The following GBE1 variants were observed in gnomAD, a reference collection of about 807,000 sequenced individuals.
GBE1 encodes 1,4-alpha-glucan branching enzyme 1, also known as 1,4-alpha-glucan-branching enzyme.
Under a neutral mutation model 88.8 loss-of-function variants are expected in GBE1, and 70 were observed. The ratio of observed to expected loss-of-function variants is 0.79; its 90% CI spans 0.65 to 0.96. The LOEUF is 0.96. Among genes scored for constraint, GBE1 ranks in the 40% least tolerant of loss-of-function variants. The pLI, the probability that GBE1 is intolerant of heterozygous loss-of-function variation, is 0.00. For synonymous variants in GBE1, 284 were observed against 300.1 expected, an observed-to-expected ratio of 0.95 and a Z score of 0.56; for missense variants, 872 against 871.0, an observed-to-expected ratio of 1.00 and a Z score of -0.01.
chr3:81,552,239 T>C (rs1267180122), intron 12 of GBE1, among the ~76,000 whole-genome samples: 1 of 152,118 alleles, frequency 6.6e-6, no homozygotes, highest in Admixed American at 6.5e-5. Flanking sequence ...CAAAATAGGC[T>C]GGGCGTGGTG....
chr3:81,544,819 A>G (rs1001407658), intron 12 of GBE1, among the ~76,000 whole-genome samples: 2 of 152,174 alleles, frequency 1.3e-5, no homozygotes, highest in African/African-American at 4.8e-5. Flanking sequence ...CAGCTGGTAC[A>G]GTGATGAAAT....
chr3:81,620,418 G>A (rs984895216), intron 7 of GBE1, among the ~76,000 whole-genome samples: 3 of 151,812 alleles, frequency 2.0e-5, no homozygotes, highest in Admixed American at 6.6e-5. Flanking sequence ...TCCTGACCTC[G>A]TAATCCGCCC....
intron 1 of GBE1, among the ~76,000 whole-genome samples, chr3:81,752,000 T>C (rs1282211724): frequency 6.6e-6 from 1 of 152,218 alleles, no homozygotes; most frequent in Non-Finnish European, 1.5e-5. Context: ...AAGAAATACA[T>C]TTGTATATTT....
chr3:81,587,543 G>C (rs995968895), intron 9 of GBE1, among the ~76,000 whole-genome samples: 4 of 152,016 alleles, frequency 2.6e-5, no homozygotes, highest in Non-Finnish European at 4.4e-5. Context: ...AAATTCCTTA[G>C]CTTAAGATTC....
rs752100789 is a variant in GBE1 at position 81,581,236 on chromosome 3, C to A, written c.1375G>T (p.Asp459Tyr). Residue 459 changes from aspartate to tyrosine, a missense_variant, in exon 11 of 16, where the codon GAT (aspartate) becomes TAT (tyrosine). By Grantham distance (160) the Asp-to-Tyr change is radical. Transcript: ENST00000429644. ...EFKDEDWNMG[D>Y]IVYTLTNRRY... is the part of the protein sequence containing the mutation. ...CTGTTTGTGAGCGTGTATACTATAT[C>A]GCCCATGTTCCAGTCTTCATCTTTA... 33 of 1,600,900 alleles carry A rather than the reference C, an allele frequency of 2.1e-5. No homozygotes were observed. The highest frequency in any genetic ancestry group is 2.6e-5 in the Non-Finnish European group (31 of 1,174,894).
rs1706208726 is a variant in GBE1 at position 81,732,925 on chromosome 3, A to G, written c.144-27312T>C. ...CTTATCTTTCTTAATGTCCTTTCTT[A>G]CTGCTCTGTCCCTAGCTCATTCTGT... On this transcript the variant is annotated intron_variant, in intron 1 of 15. Coordinates refer to ENST00000429644, the MANE Select transcript of GBE1 (RefSeq NM_000158.4). Among the ~76,000 whole-genome samples the G allele has an allele frequency of 2.6e-5, 4 of 152,068 alleles. No homozygotes were observed. The South Asian group carries it at 8.3e-4, about 32-fold the overall frequency.
intron 14 of GBE1, among the ~76,000 whole-genome samples, chr3:81,504,466 G>T (rs1702629050): frequency 7.2e-6 from 1 of 139,760 alleles, no homozygotes; most frequent in Non-Finnish European, 1.6e-5. Context: ...TGTTCAACTG[G>T]AAAAAAATAC....
chr3:81,542,618 A>G (rs997932955), intron 12 of GBE1, among the ~76,000 whole-genome samples: 12 of 152,080 alleles, frequency 7.9e-5, no homozygotes, highest in African/African-American at 2.9e-4. Context: ...ACATCAATTT[A>G]AAATATTTGT....
chr3:81,527,005 C>T (rs1372270947), intron 14 of GBE1, among the ~76,000 whole-genome samples: 1 of 152,096 alleles, frequency 6.6e-6, no homozygotes, highest in Non-Finnish European at 1.5e-5. Flanking sequence ...CAGCATGGTA[C>T]TGGTACCAAA....
chr3:81,686,290 CAACA>C (rs1382395739), intron 2 of GBE1, among the ~76,000 whole-genome samples: 29 of 152,084 alleles, frequency 1.9e-4, no homozygotes, highest in African/African-American at 7.0e-4. Context: ...GCATCTACTA[CAACA>C]TCTACTACTG....
At chr3:81,586,360 T>C (rs1240514394) in intron 9 of GBE1, among the ~76,000 whole-genome samples, 170 bp from the exon 10 acceptor site, 1 of 152,216 alleles carries the variant, frequency 6.6e-6, no homozygotes. Flanking sequence ...CAGAAAGATT[T>C]TTGCTTAATG....
chr3:81,649,836 T>C lies in GBE1; in HGVS notation c.515A>G (p.Asn172Ser). Residue 172 changes from asparagine (N) to serine (S), a missense_variant, in exon 4 of 16, where the codon AAT (asparagine) becomes AGT (serine). Physicochemically the swap from Asn to Ser is conservative, Grantham distance 46 (BLOSUM62 1). Transcript: ENST00000429644. Reference protein sequence around the residue: ...KYVVREGDNVNYDWIHWDPEH... With the variant: ...KYVVREGDNVSYDWIHWDPEH... ...TGGATCCCAGTGTATCCAATCATAA[T>C]TCACATTATCACCTTCACGAACCAC... 2 of 1,611,976 alleles carry C rather than the reference T, an allele frequency of 1.2e-6. No individual in the cohort carries two copies. Among genetic ancestry groups the C allele is most frequent in the Non-Finnish European group, 1.7e-6 (2 of 1,178,492 alleles).
At chr3:81,581,379 A>G in intron 10 of GBE1, 104 bp from the exon 11 acceptor site, 1 of 667,028 alleles carries the variant, frequency 1.5e-6, no homozygotes, top group Non-Finnish European at 2.6e-6. Flanking sequence ...ACTATTTGAT[A>G]AGCACATATT....
chr3:81,539,765 A>T (rs1703120574), intron 12 of GBE1, among the ~76,000 whole-genome samples: 1 of 152,182 alleles, frequency 6.6e-6, no homozygotes, highest in South Asian at 2.1e-4. Flanking sequence ...TGTTAACTAC[A>T]CTAGAGGAAA....
intron 14 of GBE1, among the ~76,000 whole-genome samples, chr3:81,501,595 G>T (rs113004197): frequency 0.019 from 2,821 of 147,872 alleles, 93 homozygotes; most frequent in African/African-American, 0.065. Context: ...TTTCATTTTA[G>T]TCACCTGAAT....
At chr3:81,513,111 G>A (rs1702747648) in intron 14 of GBE1, among the ~76,000 whole-genome samples, 1 of 151,638 alleles carries the variant, frequency 6.6e-6, no homozygotes, top group African/African-American at 2.4e-5. Context: ...TCAAGGTGGG[G>A]AGAATCATTA....
At chr3:81,627,767 A>AT (rs1491193641) in intron 7 of GBE1, among the ~76,000 whole-genome samples, 11 of 66,854 alleles carry the variant, frequency 1.6e-4, no homozygotes, top group South Asian at 4.8e-4. Context: ...ATATATATAT[A>AT]AAAAACATAT....
chr3:81,613,284 G>A (rs1020363851), intron 7 of GBE1, among the ~76,000 whole-genome samples: 1 of 151,490 alleles, frequency 6.6e-6, no homozygotes, highest in Non-Finnish European at 1.5e-5. Context: ...ACCCCTTTCT[G>A]TTCAAAATTC....
At chr3:81,750,616 TGTATATATATATAC>T (rs1706503514) in intron 1 of GBE1, among the ~76,000 whole-genome samples, 2 of 68,806 alleles carry the variant, frequency 2.9e-5, no homozygotes, top group Non-Finnish European at 2.4e-5. Context: ...TATATATATA[TGTATATATATATAC>T]GTATATATAT....
Sources: allele counts gnomAD v4.1 joint callset (sites outside exome capture counted in the v4.1 genomes callset), GRCh38; gene constraint gnomAD v4.1.1; transcripts MANE v1.5; gene names NCBI Gene and HGNC (gene_info 2026-07-23, HGNC 2026-07-21).